Variants in DLG2 observed in about 807,000 individuals in gnomAD.
DLG2 encodes the protein discs large MAGUK scaffold protein 2, also known as disks large homolog 2.
DLG2 carries 45 observed loss-of-function variants against 132.5 expected under a neutral mutation model. That is an observed-to-expected ratio of 0.34 (90% CI 0.27 to 0.44). DLG2 has a LOEUF of 0.44. Ranked by LOEUF, DLG2 falls within the 20% of genes least tolerant of loss-of-function variation. The probability of loss-of-function intolerance (pLI) is 1.00; values close to 1 mark genes in which losing one functional copy is unlikely to be tolerated. For synonymous variants in DLG2, 424 were observed against 419.6 expected (o/e 1.01, Z -0.13); for missense variants, 1,045 against 1,196.9 (o/e 0.87, Z 1.87).
chr11:84,753,411 T>C (rs549928130), intron 6 of DLG2, among the ~76,000 whole-genome samples: 15 of 152,296 alleles, frequency 9.8e-5, no homozygotes, highest in African/African-American at 3.4e-4. Flanking sequence ...ATGGTAACAG[T>C]AGTAAGAAGT....
At chr11:83,720,601 A>G (rs1199947751) in intron 18 of DLG2, among the ~76,000 whole-genome samples, 1 of 152,134 alleles carries the variant, frequency 6.6e-6, no homozygotes, top group Non-Finnish European at 1.5e-5. Flanking sequence ...ATATCTGACA[A>G]AGCCAATGCT....
chr11:85,572,716 C>T (rs2077915377), intron 3 of DLG2, among the ~76,000 whole-genome samples: 1 of 152,184 alleles, frequency 6.6e-6, no homozygotes, highest in South Asian at 2.1e-4. Context: ...AACCAAGTAA[C>T]TGAGAAATAC....
intron 18 of DLG2, among the ~76,000 whole-genome samples, chr11:83,713,990 A>G (rs2086099685): frequency 6.6e-6 from 1 of 152,182 alleles, no homozygotes; most frequent in South Asian, 2.1e-4. Context: ...AAGTTGCCAG[A>G]GTGGGTCTGA....
At chr11:84,199,574 A>G (rs1039209058) in intron 8 of DLG2, among the ~76,000 whole-genome samples, 8 of 152,140 alleles carry the variant, frequency 5.3e-5, no homozygotes, top group Non-Finnish European at 8.8e-5. Flanking sequence ...ATGGAAGAAC[A>G]AATAGGAATC....
intron 7 of DLG2, among the ~76,000 whole-genome samples, chr11:84,272,813 G>A (rs2097743756): frequency 2.6e-5 from 4 of 151,894 alleles, no homozygotes; most frequent in Non-Finnish European, 4.4e-5. Context: ...GAACCAATGG[G>A]GAAATAAACA....
intron 6 of DLG2, among the ~76,000 whole-genome samples, chr11:84,703,886 ACG>A (rs1491586933): frequency 1.0e-3 from 119 of 114,096 alleles, no homozygotes; most frequent in East Asian, 4.8e-3. Flanking sequence ...ATATATATAC[ACG>A]TGTGTGTGTG....
chr11:85,133,605 T>A (rs916006202), intron 5 of DLG2, among the ~76,000 whole-genome samples: 1 of 152,222 alleles, frequency 6.6e-6, no homozygotes, highest in Non-Finnish European at 1.5e-5. Context: ...GTGTGGTCCA[T>A]GACATATGCA....
At chr11:85,307,498 C>A (rs1345203759) in intron 3 of DLG2, among the ~76,000 whole-genome samples, 1 of 152,158 alleles carries the variant, frequency 6.6e-6, no homozygotes, top group Non-Finnish European at 1.5e-5. Flanking sequence ...TTTCTTCAAG[C>A]ATTTTTTTAG....
intron 6 of DLG2, among the ~76,000 whole-genome samples, chr11:84,733,611 T>C (rs1297099682): frequency 6.6e-6 from 1 of 152,204 alleles, no homozygotes; most frequent in African/African-American, 2.4e-5. Context: ...GAGGGTAGTT[T>C]CTTTTGCTGT....
chr11:85,297,252 G>A (rs367915508), intron 3 of DLG2, among the ~76,000 whole-genome samples: 79 of 152,196 alleles, frequency 5.2e-4, no homozygotes, highest in African/African-American at 1.6e-3. Flanking sequence ...GCATACTTTT[G>A]TACTGGTTAA....
At chr11:85,288,175 ATAT>A (rs1236958476) in intron 3 of DLG2, among the ~76,000 whole-genome samples, 5 of 152,008 alleles carry the variant, frequency 3.3e-5, no homozygotes, top group Non-Finnish European at 4.4e-5. Flanking sequence ...TATGAATTAA[ATAT>A]TATATTTTCA....
At chr11:84,341,125 G>A (rs1268701557) in intron 7 of DLG2, among the ~76,000 whole-genome samples, 4 of 152,102 alleles carry the variant, frequency 2.6e-5, no homozygotes, top group African/African-American at 9.7e-5. Context: ...CTATTCCATT[G>A]CATAGTAGCT....
chr11:85,549,591 G>A (rs2076545410), intron 3 of DLG2, among the ~76,000 whole-genome samples: 1 of 152,176 alleles, frequency 6.6e-6, no homozygotes, highest in South Asian at 2.1e-4. Context: ...TAGGGGCTAG[G>A]TAAAATAAGA....
At chr11:84,704,469 T>C (rs1455547606) in intron 6 of DLG2, among the ~76,000 whole-genome samples, 2 of 151,512 alleles carry the variant, frequency 1.3e-5, no homozygotes, top group African/African-American at 4.8e-5. Flanking sequence ...ATTAATATAA[T>C]GGGACTACCA....
chr11:83,850,242 T>C (rs1476757790), intron 16 of DLG2, among the ~76,000 whole-genome samples: 1 of 151,324 alleles, frequency 6.6e-6, no homozygotes, highest in Non-Finnish European at 1.5e-5. Flanking sequence ...CAACCTCCGC[T>C]TCCCGGGTTC....
At chr11:85,381,893 G>A (rs996190426) in intron 3 of DLG2, among the ~76,000 whole-genome samples, 4 of 152,018 alleles carry the variant, frequency 2.6e-5, no homozygotes, top group African/African-American at 9.7e-5. Context: ...ACGCAATATT[G>A]TTAAGATGGC....
intron 15 of DLG2, among the ~76,000 whole-genome samples, chr11:83,877,025 A>C (rs1005650243): frequency 3.3e-5 from 5 of 151,912 alleles, no homozygotes; most frequent in African/African-American, 1.2e-4. Flanking sequence ...CTTTTTTCTT[A>C]TTTTACAATT....
chr11:84,858,773 T>C (rs1401359117), intron 6 of DLG2, among the ~76,000 whole-genome samples: 1 of 152,116 alleles, frequency 6.6e-6, no homozygotes, highest in Non-Finnish European at 1.5e-5. Context: ...AATAAAAATA[T>C]ACACACTTTA....
intron 6 of DLG2, among the ~76,000 whole-genome samples, chr11:84,711,685 C>T (rs1347472327): frequency 6.6e-6 from 1 of 151,980 alleles, no homozygotes; most frequent in African/African-American, 2.4e-5. Context: ...GGAGCTCCCT[C>T]TTACTCAGGC....
Sources: gnomAD v4.1 joint callset for allele counts (sites outside exome capture counted in the v4.1 genomes callset) on GRCh38, gnomAD v4.1.1 for gene constraint, MANE v1.5 for transcripts, NCBI Gene and HGNC (gene_info 2026-07-23, HGNC 2026-07-21) for gene names.